L3MBTL4: variants seen among roughly 807,000 people sequenced by gnomAD.
L3MBTL4 encodes the protein lethal(3)malignant brain tumor-like protein 4.
L3MBTL4 carries 70 observed loss-of-function variants against 84.5 expected under a neutral mutation model. The ratio of observed to expected loss-of-function variants is 0.83; its 90% CI spans 0.68 to 1.01. L3MBTL4 has a LOEUF of 1.01. Among genes scored for constraint, L3MBTL4 ranks in the 50% least tolerant of loss-of-function variants. The probability of loss-of-function intolerance (pLI) is 0.00; values close to 1 mark genes in which losing one functional copy is unlikely to be tolerated. For synonymous variants in L3MBTL4, 274 were observed against 259.8 expected (o/e 1.05, Z -0.52); for missense variants, 715 against 754.8 (o/e 0.95, Z 0.62).
chr18:6,110,680 A>G (rs942667354), intron 14 of L3MBTL4, among the ~76,000 whole-genome samples: 1 of 151,430 alleles, frequency 6.6e-6, no homozygotes, highest in Non-Finnish European at 1.5e-5. Context: ...GTACATGTGT[A>G]TTGTGCAGGA....
chr18:6,116,359 G>T (rs1372922548), intron 14 of L3MBTL4, among the ~76,000 whole-genome samples: 7 of 129,910 alleles, frequency 5.4e-5, no homozygotes, highest in African/African-American at 8.8e-5. Flanking sequence ...GTTGTTGCTG[G>T]TTTTTTTTTT....
intron 16 of L3MBTL4, among the ~76,000 whole-genome samples, chr18:6,078,714 G>A (rs1291211469): frequency 6.6e-6 from 1 of 152,144 alleles, no homozygotes; most frequent in Non-Finnish European, 1.5e-5. Context: ...CAGACCAGGG[G>A]TGGGGGGATG....
At chr18:6,285,770 C>T (rs1441568194) in intron 4 of L3MBTL4, among the ~76,000 whole-genome samples, 2 of 151,208 alleles carry the variant, frequency 1.3e-5, no homozygotes, top group East Asian at 3.9e-4. Flanking sequence ...TGCCAGCTCC[C>T]CAAAACTTTA....
At chr18:6,138,514 G>C (rs2060100500) in intron 13 of L3MBTL4, among the ~76,000 whole-genome samples, 1 of 152,158 alleles carries the variant, frequency 6.6e-6, no homozygotes, top group African/African-American at 2.4e-5. Flanking sequence ...ACCCATATCA[G>C]AGAGAGAGGA....
At chr18:6,306,451 G>A (rs540324995) in intron 3 of L3MBTL4, among the ~76,000 whole-genome samples, 18 of 152,178 alleles carry the variant, frequency 1.2e-4, no homozygotes, top group South Asian at 8.3e-4. Flanking sequence ...GAATTTTACT[G>A]ACTGTTGTAA....
intron 16 of L3MBTL4, among the ~76,000 whole-genome samples, chr18:6,055,143 A>C (rs946739507): frequency 2.6e-5 from 4 of 152,226 alleles, no homozygotes; most frequent in African/African-American, 9.6e-5. Flanking sequence ...TGAGTTACAT[A>C]TGAAAGAGAA....
intron 1 of L3MBTL4, among the ~76,000 whole-genome samples, chr18:6,400,175 T>A (rs2055449972): frequency 6.6e-6 from 1 of 152,220 alleles, no homozygotes; most frequent in Non-Finnish European, 1.5e-5. Context: ...GTTAAATGTA[T>A]CACAAATTAC....
intron 1 of L3MBTL4, among the ~76,000 whole-genome samples, chr18:6,371,556 A>C (rs1363349532): frequency 6.6e-6 from 1 of 152,058 alleles, no homozygotes; most frequent in Non-Finnish European, 1.5e-5. Flanking sequence ...CATCCTCCAA[A>C]ATTTCACCAA....
chr18:5,973,118 G>A (rs1028583741), intron 16 of L3MBTL4, among the ~76,000 whole-genome samples: 3 of 152,186 alleles, frequency 2.0e-5, no homozygotes, highest in Non-Finnish European at 2.9e-5. Context: ...TGAATGTGGG[G>A]ACATACACCA....
chr18:6,028,604 T>C (rs560901785), intron 16 of L3MBTL4, among the ~76,000 whole-genome samples: 1 of 152,362 alleles, frequency 6.6e-6, no homozygotes, highest in African/African-American at 2.4e-5. Context: ...GGAATAGCAT[T>C]GAATCCATAA....
intron 16 of L3MBTL4, among the ~76,000 whole-genome samples, chr18:5,989,806 T>C (rs2053610076): frequency 6.6e-6 from 1 of 152,218 alleles, no homozygotes; most frequent in Non-Finnish European, 1.5e-5. Flanking sequence ...CTGCACCCTG[T>C]CTTTTCTCAC....
At chr18:6,242,701 G>A (rs1008649055) in intron 7 of L3MBTL4, among the ~76,000 whole-genome samples, 1 of 152,182 alleles carries the variant, frequency 6.6e-6, no homozygotes, top group African/African-American at 2.4e-5. Context: ...AGTTTGCTGT[G>A]CAAAGATATG....
At chr18:6,282,091 G>A (rs2063761248) in intron 4 of L3MBTL4, among the ~76,000 whole-genome samples, 1 of 152,100 alleles carries the variant, frequency 6.6e-6, no homozygotes, top group South Asian at 2.1e-4. Context: ...CAAACAAAGT[G>A]CTTCTCCATG....
chr18:6,100,666 C>T (rs62079167), intron 14 of L3MBTL4, among the ~76,000 whole-genome samples: 4 of 152,164 alleles, frequency 2.6e-5, no homozygotes, highest in Admixed American at 1.3e-4. Flanking sequence ...GGCACTTCCT[C>T]GTAGTTGCCA....
intron 1 of L3MBTL4, among the ~76,000 whole-genome samples, chr18:6,404,577 A>G (rs1197750709): frequency 6.6e-6 from 1 of 152,200 alleles, no homozygotes; most frequent in African/African-American, 2.4e-5. Context: ...TTATTTAACT[A>G]TGGGGACCTT....
At chr18:6,123,724 A>C (rs558279346) in intron 14 of L3MBTL4, among the ~76,000 whole-genome samples, 8 of 152,342 alleles carry the variant, frequency 5.3e-5, no homozygotes, top group African/African-American at 1.9e-4. Context: ...CACCTAATCC[A>C]ATCATCTTGT....
chr18:6,087,739 A>T (rs1426333958), intron 15 of L3MBTL4, among the ~76,000 whole-genome samples: 2 of 152,204 alleles, frequency 1.3e-5, no homozygotes, highest in Non-Finnish European at 2.9e-5. Context: ...AACTGGTCCA[A>T]CTGCAAGACT....
intron 18 of L3MBTL4, among the ~76,000 whole-genome samples, chr18:5,958,851 G>A (rs1191517603): frequency 6.6e-6 from 1 of 152,054 alleles, no homozygotes; most frequent in Non-Finnish European, 1.5e-5. Flanking sequence ...GTACTGGTCA[G>A]TGAGTGCCAA....
chr18:6,145,455 T>C (rs1466146637), intron 13 of L3MBTL4, among the ~76,000 whole-genome samples: 3 of 151,548 alleles, frequency 2.0e-5, no homozygotes, highest in Non-Finnish European at 4.4e-5. Flanking sequence ...AATATATAGA[T>C]GAGTTATGGA....
Sources: gnomAD v4.1 joint callset for allele counts (sites outside exome capture counted in the v4.1 genomes callset) on GRCh38, gnomAD v4.1.1 for gene constraint, MANE v1.5 for transcripts, NCBI Gene and HGNC (gene_info 2026-07-23, HGNC 2026-07-21) for gene names.